The following ADAMTS14 variants were observed in gnomAD, a reference collection of about 807,000 sequenced individuals.
ADAMTS14 encodes A disintegrin and metalloproteinase with thrombospondin motifs 14.
ADAMTS14 carries 100 observed loss-of-function variants against 128.6 expected under a neutral mutation model. The observed-to-expected ratio is 0.78, with a 90% confidence interval of 0.66 to 0.92. The LOEUF is 0.92. ADAMTS14 is among the 40% of genes least tolerant of loss of function. ADAMTS14 has a pLI of 0.00. For missense variants in ADAMTS14, 1,562 were observed against 1,658.6 expected (o/e 0.94, Z 1.01); for synonymous variants, 665 against 653.8 (o/e 1.02, Z -0.26).
At chr10:70,739,944 G>A (rs1208764501) in intron 11 of ADAMTS14, among the ~76,000 whole-genome samples, 5 of 152,260 alleles carry the variant, frequency 3.3e-5, no homozygotes, top group African/African-American at 1.2e-4. Context: ...TTCATCTGTC[G>A]GGAATACAAA....
intron 4 of ADAMTS14, among the ~76,000 whole-genome samples, chr10:70,712,717 A>G (rs1267856044): frequency 6.6e-6 from 1 of 152,178 alleles, no homozygotes; most frequent in African/African-American, 2.4e-5. Flanking sequence ...CTTTCTCTGC[A>G]TCCGATTCCG....
chr10:70,697,423 C>T (rs1840361937), intron 2 of ADAMTS14, among the ~76,000 whole-genome samples: 1 of 152,242 alleles, frequency 6.6e-6, no homozygotes, highest in Admixed American at 6.5e-5. Context: ...TGTACCTGCC[C>T]ATGTCTGACA....
chr10:70,706,671 C>T (rs1840677958), intron 3 of ADAMTS14, among the ~76,000 whole-genome samples: 1 of 152,220 alleles, frequency 6.6e-6, no homozygotes, highest in African/African-American at 2.4e-5. Context: ...TGTGTGTCCA[C>T]CCAGAGGGCT....
intron 4 of ADAMTS14, among the ~76,000 whole-genome samples, chr10:70,721,889 G>A (rs1211269165): frequency 6.6e-6 from 1 of 152,182 alleles, no homozygotes; most frequent in Non-Finnish European, 1.5e-5. Context: ...GGCTCCACTG[G>A]CATCCTTGGA....
intron 4 of ADAMTS14, among the ~76,000 whole-genome samples, chr10:70,718,974 G>C (rs574798797): frequency 6.6e-6 from 1 of 152,016 alleles, no homozygotes; most frequent in African/African-American, 2.4e-5. Context: ...GGGATTACAG[G>C]TATGAGCCAT....
chr10:70,749,239 C>T (rs774244699), intron 15 of ADAMTS14, among the ~76,000 whole-genome samples: 2 of 152,182 alleles, frequency 1.3e-5, no homozygotes, highest in Non-Finnish European at 2.9e-5. Context: ...GAACTCTTCT[C>T]GTTGTCCTGA....
chr10:70,748,673 T>A (rs1842257852), intron 15 of ADAMTS14, among the ~76,000 whole-genome samples: 1 of 152,118 alleles, frequency 6.6e-6, no homozygotes, highest in Admixed American at 6.5e-5. Flanking sequence ...GCCCAGCCCT[T>A]AGGATGTATT....
chr10:70,702,525 C>T (rs1446775033), intron 3 of ADAMTS14, 57 bp downstream of exon 3: 1 of 1,542,556 alleles, frequency 6.5e-7, no homozygotes, highest in African/African-American at 1.4e-5. Flanking sequence ...GGAGTGTTTC[C>T]CGGTCACTTC....
intron 18 of ADAMTS14, among the ~76,000 whole-genome samples, chr10:70,752,638 C>A (rs1842382731): frequency 6.6e-6 from 1 of 152,150 alleles, no homozygotes; most frequent in African/African-American, 2.4e-5. Flanking sequence ...AAGACCTCCT[C>A]AGCCTCCACC....
chr10:70,677,373 C>T (rs1451793801), intron 2 of ADAMTS14, among the ~76,000 whole-genome samples: 4 of 152,082 alleles, frequency 2.6e-5, no homozygotes, highest in South Asian at 2.1e-4. Context: ...CAAGTCACCC[C>T]CTCCCCATTT....
At chr10:70,684,971 T>G (rs1839914050) in intron 2 of ADAMTS14, among the ~76,000 whole-genome samples, 1 of 152,256 alleles carries the variant, frequency 6.6e-6, no homozygotes, top group South Asian at 2.1e-4. Flanking sequence ...TAATAACTTA[T>G]TTATGATATG....
intron 7 of ADAMTS14, 32 bp from the exon 8 acceptor site, chr10:70,733,853 G>A (rs1383826944): frequency 1.3e-6 from 2 of 1,594,730 alleles, no homozygotes; most frequent in Admixed American, 3.4e-5. Flanking sequence ...CTCCTGGGAT[G>A]TATCAGGACT....
At chr10:70,748,180 CAG>C (rs1209726237) in intron 15 of ADAMTS14, among the ~76,000 whole-genome samples, 1 of 152,160 alleles carries the variant, frequency 6.6e-6, no homozygotes, top group African/African-American at 2.4e-5. Context: ...AACTGAGGCT[CAG>C]AGAGAGGTTA....
At position 70,697,774 on chromosome 10, in the gene ADAMTS14, C is replaced by CT. The variant is rs1473912197; in HGVS notation, c.523-4537dup. 5.0e-5 allele frequency among the ~76,000 whole-genome samples: 5 copies of CT among 100,422 alleles called. No homozygotes were observed. The South Asian group carries it at 1.7e-3, about 33-fold the overall frequency. The allele number at this position is 100,422 out of a possible 152,430, so 65.9% of individuals were successfully genotyped here. On this transcript the variant is annotated intron_variant, in intron 2 of 21. Transcript: ENST00000373207. ...TCTTTGGGTGTCCTGGGCTTACACC[C>CT]TGAGGGGCTTTCCCTGAGGGGAACC...
intron 16 of ADAMTS14, 67 bp from the exon 17 acceptor site, chr10:70,751,411 C>A: frequency 1.3e-6 from 2 of 1,499,342 alleles, no homozygotes; most frequent in South Asian, 2.4e-5. Flanking sequence ...TTCGGCCCCT[C>A]CCCTCCCAGT....
intron 4 of ADAMTS14, among the ~76,000 whole-genome samples, chr10:70,713,341 T>C (rs148240905): frequency 2.0e-5 from 1 of 50,946 alleles, no homozygotes; most frequent in Non-Finnish European, 3.8e-5. Flanking sequence ...TTGGGTGGGG[T>C]GGGGTGGGGG....
At chr10:70,701,368 G>T (rs1208802714) in intron 2 of ADAMTS14, among the ~76,000 whole-genome samples, 1 of 152,264 alleles carries the variant, frequency 6.6e-6, no homozygotes, top group Non-Finnish European at 1.5e-5. Context: ...GCACTCAATA[G>T]ATATTTGTCG....
chr10:70,674,259 G>A (rs1007675717), intron 1 of ADAMTS14, among the ~76,000 whole-genome samples: 11 of 152,160 alleles, frequency 7.2e-5, no homozygotes, highest in African/African-American at 2.4e-4. Flanking sequence ...GCCCAAGGTC[G>A]GAAGTCTTGT....
intron 4 of ADAMTS14, among the ~76,000 whole-genome samples, chr10:70,723,462 T>C (rs1012234388): frequency 1.6e-4 from 24 of 152,240 alleles, no homozygotes; most frequent in Non-Finnish European, 2.8e-4. Context: ...TGTTAACATT[T>C]GGAATAAACT....
Sources: gnomAD v4.1 joint callset for allele counts (sites outside exome capture counted in the v4.1 genomes callset) on GRCh38, gnomAD v4.1.1 for gene constraint, MANE v1.5 for transcripts, NCBI Gene and HGNC (gene_info 2026-07-23, HGNC 2026-07-21) for gene names.